The following NSL1 variants were observed in gnomAD, a reference collection of about 807,000 sequenced individuals.
The protein encoded by NSL1 is NSL1 component of MIS12 kinetochore complex, also known as kinetochore-associated protein NSL1 homolog.
A neutral mutation model predicts 25.4 loss-of-function variants in NSL1; 11 were observed. That is an observed-to-expected ratio of 0.43 (90% CI 0.27 to 0.72). The LOEUF (loss-of-function observed/expected upper bound fraction) is 0.72. Among genes scored for constraint, NSL1 ranks in the 30% least tolerant of loss-of-function variants. The pLI is 0.19. For synonymous variants in NSL1, 118 were observed against 120.6 expected, an observed-to-expected ratio of 0.98 and a Z score of 0.14; for missense variants, 330 against 342.7, an observed-to-expected ratio of 0.96 and a Z score of 0.29.
chr1:212,753,634 T>C (rs924838606), intron 4 of NSL1, among the ~76,000 whole-genome samples: 22 of 152,226 alleles, frequency 1.4e-4, no homozygotes, highest in Non-Finnish European at 2.8e-4. Context: ...TCTGTCATAC[T>C]GTAGCCATTC....
At position 212,726,172 on chromosome 1, in the gene NSL1, G is replaced by A. The variant is rs73079900; in HGVS notation, c.*12236C>T. ...TAGGAATAGATCTAAATATATATTC[G>A]ATTTTATTAGATGAAAAATGCAGCC... On this transcript the variant is annotated 3_prime_UTR_variant, in exon 6 of 6. Transcript: ENST00000366977. 2.0e-5 allele frequency: 3 copies of A among 152,254 alleles called. No homozygotes were observed. The highest frequency in any genetic ancestry group is 3.9e-4 in the East Asian group (2 of 5,190). The allele number at this position is 152,254 out of a possible 1,614,324, so 9.4% of individuals were successfully genotyped here. A position where few individuals can be genotyped will look rare whatever the true frequency, so the allele number is the denominator to read the frequency against.
At position 212,737,277 on chromosome 1, in the gene NSL1, C is replaced by T. The variant is rs748592716; in HGVS notation, c.*1131G>A. On this transcript the variant is annotated 3_prime_UTR_variant, in exon 6 of 6. Transcript: ENST00000366977. The stretch of plus-strand genomic sequence containing the variant: ...ACAAAGTGGCTTTATAAGTTTTCTT[C>T]ACTGAGACAGACCTTCTGGTGACTT... 68 of 985,138 alleles carry T rather than the reference C, an allele frequency of 6.9e-5. No individual in the cohort carries two copies. The highest frequency in any genetic ancestry group is 8.0e-5 in the Non-Finnish European group (66 of 829,766). 61.0% of individuals were successfully genotyped at this position (985,138 alleles called of 1,614,324 possible). A position where few individuals can be genotyped will look rare whatever the true frequency, so the allele number is the denominator to read the frequency against.
chr1:212,757,133 C>CATA (rs1659350474), intron 4 of NSL1, among the ~76,000 whole-genome samples: 2 of 152,058 alleles, frequency 1.3e-5, no homozygotes, highest in Non-Finnish European at 2.9e-5. Flanking sequence ...GTATGAAAGT[C>CATA]GTAGGGCCAG....
At position 212,745,160 on chromosome 1, in the gene NSL1, CTATATATATATATATATATATA is replaced by C. The variant is rs59293969; in HGVS notation, c.500-5581_500-5560del. The stretch of plus-strand genomic sequence containing the variant: ...CAAAACAAACAAACAAACAAACAAA[CTATATATATATATATATATATA>C]TATATATATATATATATATATGCAT... On this transcript the variant is annotated intron_variant, in intron 4 of 5. Transcript: ENST00000366977. Among the ~76,000 whole-genome samples, 11 of 117,702 alleles carry C rather than the reference CTATATATATATATATATATATA, an allele frequency of 9.3e-5. No homozygotes were observed. The East Asian group carries it at 1.1e-3, about 11-fold the overall frequency. The allele number at this position is 117,702 out of a possible 152,430, so 77.2% of individuals were successfully genotyped here. A position where few individuals can be genotyped will look rare whatever the true frequency, so the allele number is the denominator to read the frequency against.
intron 4 of NSL1, among the ~76,000 whole-genome samples, chr1:212,749,967 T>C (rs186748240): frequency 8.3e-4 from 123 of 148,480 alleles, no homozygotes; most frequent in African/African-American, 3.0e-3. Context: ...CCAGCTACAC[T>C]TTCCCATTAA....
At chr1:212,748,277 C>A (rs993163815) in intron 4 of NSL1, among the ~76,000 whole-genome samples, 2 of 152,068 alleles carry the variant, frequency 1.3e-5, no homozygotes, top group Non-Finnish European at 2.9e-5. Context: ...ATCATACCTG[C>A]TGTTAGAAGT....
chr1:212,742,043 C>CGT (rs1404245591), intron 4 of NSL1, among the ~76,000 whole-genome samples: 1 of 152,122 alleles, frequency 6.6e-6, no homozygotes, highest in Admixed American at 6.5e-5. Flanking sequence ...AGACCCGACC[C>CGT]AACACCACCC....
In NSL1 at chr1:212,735,924, T is replaced by C. The variant is rs186083703; in HGVS notation, c.*2484A>G. On this transcript the variant is annotated 3_prime_UTR_variant, in exon 6 of 6. Transcript: ENST00000366977. ...TCTGTTGTTTAAGCCACCCAGCCTG[T>C]GGTATTCTGTTATAGTAGCCTAAAT... 1 of 982,492 alleles carries C rather than the reference T, an allele frequency of 1.0e-6. No individual in the cohort carries two copies. The highest frequency in any genetic ancestry group is 1.1e-4 in the East Asian group (1 of 8,810). The allele number at this position is 982,492 out of a possible 1,614,324, so 60.9% of individuals were successfully genotyped here.
intron 4 of NSL1, among the ~76,000 whole-genome samples, chr1:212,779,147 G>A (rs1660541922): frequency 6.6e-6 from 1 of 151,472 alleles, no homozygotes; most frequent in South Asian, 2.1e-4. Context: ...TCTGAGAAAT[G>A]AGGAGCCCCT....
chr1:212,788,532 A>G (rs1661045804), intron 1 of NSL1, among the ~76,000 whole-genome samples: 1 of 152,224 alleles, frequency 6.6e-6, no homozygotes, highest in Non-Finnish European at 1.5e-5. Flanking sequence ...CCAAAAAACA[A>G]AAAACAAAAA....
At position 212,728,303 on chromosome 1, in the gene NSL1, T is replaced by C. The variant is rs1398909503; in HGVS notation, c.*10105A>G. The C allele has an allele frequency of 1.0e-6, 1 of 980,796 alleles. No homozygotes were observed. Among genetic ancestry groups the C allele is most frequent in the Admixed American group, 6.1e-5 (1 of 16,270 alleles). 60.8% of individuals were successfully genotyped at this position (980,796 alleles called of 1,614,324 possible). On this transcript the variant is annotated 3_prime_UTR_variant, in exon 6 of 6. Transcript: ENST00000366977. The stretch of plus-strand genomic sequence containing the variant: ...ATTTATTTAAAGTATTTTTGTACAA[T>C]TCCAGGCATAAAGTGGATTCTTTAT...
intron 4 of NSL1, among the ~76,000 whole-genome samples, chr1:212,753,931 G>C (rs1372733630): frequency 6.6e-6 from 1 of 152,172 alleles, no homozygotes; most frequent in Non-Finnish European, 1.5e-5. Flanking sequence ...AATGAGAAAA[G>C]AGAACTGGGA....
At chr1:212,773,681 C>T (rs1395605577) in intron 4 of NSL1, among the ~76,000 whole-genome samples, 1 of 152,060 alleles carries the variant, frequency 6.6e-6, no homozygotes, top group East Asian at 1.9e-4. Flanking sequence ...CCATTCCTGC[C>T]ACTGGGTATT....
chr1:212,771,111 C>T (rs1172893715), intron 4 of NSL1, among the ~76,000 whole-genome samples: 1 of 152,096 alleles, frequency 6.6e-6, no homozygotes. Context: ...ATTGGGAGTA[C>T]GAGACCAGCC....
chr1:212,732,765 A>T lies in NSL1; in HGVS notation c.*5643T>A, dbSNP rs1303597573. On this transcript the variant is annotated 3_prime_UTR_variant, in exon 6 of 6. Coordinates refer to ENST00000366977, the MANE Select transcript of NSL1 (RefSeq NM_015471.4). ...AGCACAGCCCCTGGTAGAACCCCCA[A>T]ACGGGATGCCTTGGAGGTAATTTTT... 4.4e-6 allele frequency: 2 copies of T among 454,158 alleles called. No individual in the cohort carries two copies. The highest frequency in any genetic ancestry group is 3.1e-4 in the East Asian group (2 of 6,438). The allele number at this position is 454,158 out of a possible 1,614,324, so 28.1% of individuals were successfully genotyped here. A position where few individuals can be genotyped will look rare whatever the true frequency, so the allele number is the denominator to read the frequency against.
intron 4 of NSL1, among the ~76,000 whole-genome samples, chr1:212,740,589 A>G (rs1231388190): frequency 6.6e-6 from 1 of 152,156 alleles, no homozygotes; most frequent in Non-Finnish European, 1.5e-5. Context: ...TAATTTATAT[A>G]TAGTGAAATG....
chr1:212,766,284 A>G lies in NSL1; in HGVS notation c.499+16088T>C, dbSNP rs1038455695. 3 of 615,500 alleles carry G rather than the reference A, an allele frequency of 4.9e-6. No homozygotes were observed. In the Admixed American group the frequency reaches 8.1e-5, roughly 17 times the overall value. 38.1% of individuals were successfully genotyped at this position (615,500 alleles called of 1,614,324 possible). On this transcript the variant is annotated intron_variant, in intron 4 of 5. Coordinates refer to ENST00000366977, the MANE Select transcript of NSL1 (RefSeq NM_015471.4). ...CATTCCCGTTGAGAACTGGAACAAG[A>G]CAAAGATGCCCACTTTCACCACTTC... is the stretch of plus-strand genomic sequence containing the variant.
chr1:212,789,403 G>A (rs1661080546), intron 1 of NSL1, among the ~76,000 whole-genome samples: 1 of 152,088 alleles, frequency 6.6e-6, no homozygotes, highest in African/African-American at 2.4e-5. Flanking sequence ...GTATAGACAG[G>A]GTTTCACCGT....
In NSL1 at chr1:212,729,434, G is replaced by C; in HGVS notation, c.*8974C>G. 1 of 985,290 alleles carries C rather than the reference G, an allele frequency of 1.0e-6. No homozygotes were observed. Among genetic ancestry groups the C allele is most frequent in the Non-Finnish European group, 1.2e-6 (1 of 829,822 alleles). 61.0% of individuals were successfully genotyped at this position (985,290 alleles called of 1,614,324 possible). A position where few individuals can be genotyped will look rare whatever the true frequency, so the allele number is the denominator to read the frequency against. ...GAGTATGTGTGTAATAAAAGGTGTGGCTACGAAAAATCATTTTACAATATT... is the reference window on the plus strand; with the variant it reads ...GAGTATGTGTGTAATAAAAGGTGTGCCTACGAAAAATCATTTTACAATATT... On this transcript the variant is annotated 3_prime_UTR_variant, in exon 6 of 6. Coordinates refer to ENST00000366977, the MANE Select transcript of NSL1 (RefSeq NM_015471.4).
Sources: gnomAD v4.1 joint callset for allele counts (sites outside exome capture counted in the v4.1 genomes callset) on GRCh38, gnomAD v4.1.1 for gene constraint, MANE v1.5 for transcripts, NCBI Gene and HGNC (gene_info 2026-07-23, HGNC 2026-07-21) for gene names.